The following SLC12A6 variants were observed in gnomAD, a reference collection of about 807,000 sequenced individuals.
SLC12A6 encodes solute carrier family 12 member 6, also known as K-Cl cotransporter 3.
SLC12A6 carries 66 observed loss-of-function variants against 135.3 expected under a neutral mutation model. The ratio of observed to expected loss-of-function variants is 0.49; its 90% CI spans 0.40 to 0.60. The LOEUF is 0.60. SLC12A6 is among the 20% of genes least tolerant of loss of function. The pLI is 0.00. For synonymous variants in SLC12A6, 513 were observed against 508.8 expected (o/e 1.01, Z -0.11); for missense variants, 1,058 against 1,452.3 (o/e 0.73, Z 4.41).
At chr15:34,252,658 G>A (rs1892473619) in intron 9 of SLC12A6, among the ~76,000 whole-genome samples, 1 of 152,210 alleles carries the variant, frequency 6.6e-6, no homozygotes, top group African/African-American at 2.4e-5. Flanking sequence ...AAGACAGGGA[G>A]TTAATTGAAG....
chr15:34,312,665 G>A (rs1888342425), intron 2 of SLC12A6, among the ~76,000 whole-genome samples: 1 of 152,132 alleles, frequency 6.6e-6, no homozygotes, highest in African/African-American at 2.4e-5. Flanking sequence ...TAATATACAG[G>A]CATACCTTGT....
intron 2 of SLC12A6, among the ~76,000 whole-genome samples, chr15:34,290,079 A>AT (rs1293998403): frequency 6.6e-6 from 1 of 151,980 alleles, no homozygotes; most frequent in Non-Finnish European, 1.5e-5. Context: ...TAGGGTGTTG[A>AT]TTTTAGATCT....
intron 2 of SLC12A6, among the ~76,000 whole-genome samples, chr15:34,295,035 C>T (rs1014460607): frequency 9.2e-5 from 14 of 152,258 alleles, no homozygotes; most frequent in African/African-American, 3.4e-4. Context: ...GACATAACAA[C>T]AATAGAAAGA....
intron 2 of SLC12A6, among the ~76,000 whole-genome samples, chr15:34,304,963 G>C (rs1245538022): frequency 1.3e-5 from 2 of 152,112 alleles, no homozygotes; most frequent in African/African-American, 4.8e-5. Flanking sequence ...TTATATCCTT[G>C]AAATTTTTGT....
intron 2 of SLC12A6, among the ~76,000 whole-genome samples, chr15:34,285,708 G>A (rs1314563318): frequency 0.012 from 6 of 486 alleles, no homozygotes; most frequent in African/African-American, 0.064. Context: ...GTGTGTGTGT[G>A]TGTGTTTGTC....
intron 3 of SLC12A6, among the ~76,000 whole-genome samples, chr15:34,274,408 G>T: frequency 6.6e-6 from 1 of 152,206 alleles, no homozygotes; most frequent in East Asian, 1.9e-4. Context: ...GAGGTGGTAA[G>T]AAGAAGAGAT....
In SLC12A6 at chr15:34,260,962, T is replaced by C. The variant is rs1377839524; in HGVS notation, c.375A>G (p.Gly125=). 1.9e-6 allele frequency: 3 copies of C among 1,558,710 alleles called. No individual in the cohort carries two copies. The highest frequency in any genetic ancestry group is 1.7e-4 in the Middle Eastern group (1 of 5,982). Residue 125 remains glycine (G), a synonymous_variant, in exon 4 of 26, where the codon GGA becomes GGG. Transcript: ENST00000354181. ...CCAAATTTTTATCAAAATATTCATCTCCTTCTTCATAATTGGAATTATTGA... is the reference window on the plus strand; with the variant it reads ...CCAAATTTTTATCAAAATATTCATCCCCTTCTTCATAATTGGAATTATTGA... The part of the protein sequence containing the change: ...AYLNNSNYEE[G]DEYFDKNLAL...
intron 2 of SLC12A6, among the ~76,000 whole-genome samples, chr15:34,301,234 C>G (rs922533779): frequency 2.0e-5 from 3 of 151,956 alleles, no homozygotes; most frequent in African/African-American, 4.8e-5. Flanking sequence ...GTGTGAGCCA[C>G]CAGGCCCGGC....
At chr15:34,287,251 T>C (rs1046920019) in intron 2 of SLC12A6, among the ~76,000 whole-genome samples, 1 of 152,186 alleles carries the variant, frequency 6.6e-6, no homozygotes, top group Non-Finnish European at 1.5e-5. Flanking sequence ...TCTGATCTTG[T>C]GACAGTTTGC....
intron 2 of SLC12A6, among the ~76,000 whole-genome samples, chr15:34,332,633 T>G (rs1222002915): frequency 6.6e-6 from 1 of 151,852 alleles, no homozygotes; most frequent in Non-Finnish European, 1.5e-5. Flanking sequence ...AAACACAAAA[T>G]TTAGCCGGGT....
intron 25 of SLC12A6, among the ~76,000 whole-genome samples, chr15:34,234,181 T>C (rs1258200582): frequency 2.0e-5 from 3 of 152,074 alleles, no homozygotes; most frequent in Non-Finnish European, 4.4e-5. Flanking sequence ...GACTCCCATT[T>C]GTGTATTTAA....
rs765423681 is a variant in SLC12A6 at position 34,238,996 on chromosome 15, G to A, written c.2601C>T (p.Ser867=). The part of the protein sequence containing the change: ...VMGWPNGWRQ[S]EDARAWKTFI... ...AAGTCTTCCAAGCGCGGGCATCTTC[G>A]CTTTGACGCCAGCCATTAGGCCAGC... is the stretch of plus-strand genomic sequence containing the variant. The change falls in exon 20 of 26, where the codon AGC becomes AGT. Residue 867 remains serine (S), a synonymous_variant. Coordinates refer to ENST00000354181, the MANE Select transcript of SLC12A6 (RefSeq NM_001365088.1). 10 of 1,613,982 alleles carry A rather than the reference G, an allele frequency of 6.2e-6. No homozygotes were observed. In the African/African-American group the frequency reaches 6.7e-5, roughly 11 times the overall value.
At chr15:34,324,759 T>A (rs1889353780) in intron 2 of SLC12A6, among the ~76,000 whole-genome samples, 1 of 151,366 alleles carries the variant, frequency 6.6e-6, no homozygotes, top group Non-Finnish European at 1.5e-5. Context: ...CCGTACCCTC[T>A]CGAGTGTGGT....
chr15:34,250,283 A>G lies in SLC12A6; in HGVS notation c.1649+15T>C, dbSNP rs1468717390. Reference sequence around the variant, plus strand: ...AGACACACACATAATTGTTACAAAGAAATTCATTACTCACTTGTCTCTGAG... The same window carrying G: ...AGACACACACATAATTGTTACAAAGGAATTCATTACTCACTTGTCTCTGAG... On this transcript the variant is annotated intron_variant, in intron 13 of 25. Transcript: ENST00000354181. The G allele has an allele frequency of 7.1e-7, 1 of 1,406,562 alleles. No individual in the cohort carries two copies. Among genetic ancestry groups the G allele is most frequent in the South Asian group, 1.2e-5 (1 of 86,850 alleles). 87.1% of individuals were successfully genotyped at this position (1,406,562 alleles called of 1,614,324 possible).
chr15:34,254,765 ATTTT>A (rs11345194), intron 8 of SLC12A6, among the ~76,000 whole-genome samples, 176 bp from the exon 9 acceptor site: 3 of 142,018 alleles, frequency 2.1e-5, no homozygotes, highest in African/African-American at 2.6e-5. Context: ...GATGTCATGG[ATTTT>A]TTTTTTTTTT....
chr15:34,301,539 GA>G (rs144864646), intron 2 of SLC12A6, among the ~76,000 whole-genome samples: 1 of 152,312 alleles, frequency 6.6e-6, no homozygotes, highest in East Asian at 1.9e-4. Context: ...CTAGATACTA[GA>G]AGGAAGAAAA....
At chr15:34,320,415 A>T (rs1317671523) in intron 2 of SLC12A6, among the ~76,000 whole-genome samples, 1 of 152,222 alleles carries the variant, frequency 6.6e-6, no homozygotes, top group Non-Finnish European at 1.5e-5. Context: ...TCACATTTTC[A>T]TTCATACGTA....
intron 2 of SLC12A6, among the ~76,000 whole-genome samples, chr15:34,278,728 G>A (rs978048460): frequency 1.2e-4 from 18 of 151,754 alleles, no homozygotes; most frequent in South Asian, 8.3e-4. Context: ...CCACCACCAC[G>A]CCCAGCTAAT....
At chr15:34,277,650 T>C (rs1384634903) in intron 2 of SLC12A6, among the ~76,000 whole-genome samples, 1 of 152,114 alleles carries the variant, frequency 6.6e-6, no homozygotes, top group East Asian at 1.9e-4. Context: ...ACCTTGGTCA[T>C]CATCTAAACC....
Sources: gnomAD v4.1 joint callset for allele counts (sites outside exome capture counted in the v4.1 genomes callset) on GRCh38, gnomAD v4.1.1 for gene constraint, MANE v1.5 for transcripts, NCBI Gene and HGNC (gene_info 2026-07-23, HGNC 2026-07-21) for gene names.